The following FARS2 variants were observed in gnomAD, a reference collection of about 807,000 sequenced individuals.
FARS2 encodes the protein phenylalanine--tRNA ligase, mitochondrial.
FARS2 carries 40 observed loss-of-function variants against 46.4 expected under a neutral mutation model. The observed-to-expected ratio is 0.86, with a 90% CI of 0.67 to 1.12. The LOEUF (loss-of-function observed/expected upper bound fraction) is 1.12. Ranked by LOEUF, FARS2 falls within the 50% of genes most tolerant of loss-of-function variation. The pLI is 0.00. For synonymous variants in FARS2, 234 were observed against 214.9 expected (o/e 1.09, Z -0.78); for missense variants, 513 against 567.9 (o/e 0.90, Z 0.98).
At chr6:5,645,082 A>T (rs1235171131) in intron 6 of FARS2, among the ~76,000 whole-genome samples, 1 of 152,230 alleles carries the variant, frequency 6.6e-6, no homozygotes, top group East Asian at 1.9e-4. Context: ...GGATGAGAAT[A>T]TTCTCCCCAC....
intron 5 of FARS2, among the ~76,000 whole-genome samples, chr6:5,582,282 T>C (rs1224167235): frequency 6.6e-6 from 1 of 151,378 alleles, no homozygotes; most frequent in Non-Finnish European, 1.5e-5. Context: ...TACTTCCGGT[T>C]AATTCCTGAT....
chr6:5,608,253 C>T (rs908656674), intron 5 of FARS2, among the ~76,000 whole-genome samples: 1 of 152,058 alleles, frequency 6.6e-6, no homozygotes, highest in Non-Finnish European at 1.5e-5. Context: ...AAGTCATATG[C>T]CTGGTAGGAA....
At chr6:5,319,668 G>A (rs1035959764) in intron 1 of FARS2, among the ~76,000 whole-genome samples, 10 of 152,146 alleles carry the variant, frequency 6.6e-5, no homozygotes, top group Admixed American at 1.3e-4. Flanking sequence ...AAGTTGCCTT[G>A]GTCTCTCACT....
At chr6:5,681,548 G>T (rs1002746294) in intron 6 of FARS2, among the ~76,000 whole-genome samples, 4 of 152,144 alleles carry the variant, frequency 2.6e-5, no homozygotes, top group Non-Finnish European at 4.4e-5. Flanking sequence ...GGGGGAAAAA[G>T]TTACTTAAAA....
At chr6:5,719,419 G>A (rs1759731766) in intron 6 of FARS2, among the ~76,000 whole-genome samples, 2 of 74,890 alleles carry the variant, frequency 2.7e-5, no homozygotes, top group Non-Finnish European at 2.6e-5. Context: ...AAAGGAAGAA[G>A]AAAGAAAAAG....
chr6:5,640,800 C>T (rs1163219129), intron 6 of FARS2, among the ~76,000 whole-genome samples: 3 of 152,202 alleles, frequency 2.0e-5, no homozygotes, highest in African/African-American at 4.8e-5. Context: ...AATGAGAATT[C>T]CTGACAAACA....
intron 4 of FARS2, among the ~76,000 whole-genome samples, chr6:5,485,349 A>G (rs1222248061): frequency 6.6e-6 from 1 of 152,128 alleles, no homozygotes; most frequent in Non-Finnish European, 1.5e-5. Context: ...ACTGTACAAA[A>G]CTTAATGAGG....
chr6:5,371,527 T>C (rs1759062214), intron 2 of FARS2, among the ~76,000 whole-genome samples: 1 of 152,112 alleles, frequency 6.6e-6, no homozygotes, highest in Non-Finnish European at 1.5e-5. Flanking sequence ...TAGCTATTAA[T>C]TGTGGAAAAA....
At chr6:5,703,246 A>C (rs1282492499) in intron 6 of FARS2, among the ~76,000 whole-genome samples, 5 of 152,194 alleles carry the variant, frequency 3.3e-5, no homozygotes, top group Admixed American at 6.5e-5. Context: ...TCACCAACTT[A>C]ACAACTGGAA....
chr6:5,252,389 T>G, the FARS2 span, among the ~76,000 whole-genome samples: 1 of 152,194 alleles, frequency 6.6e-6, no homozygotes, highest in African/African-American at 2.4e-5. Context: ...ATTTCGTTAC[T>G]TACTGGGGAT....
intron 6 of FARS2, among the ~76,000 whole-genome samples, chr6:5,718,126 C>T (rs980557760): frequency 2.0e-5 from 3 of 152,086 alleles, no homozygotes; most frequent in African/African-American, 7.2e-5. Context: ...GTTGGCCAGG[C>T]TGGTCTGGAA....
chr6:5,758,200 T>C (rs1762308006), intron 6 of FARS2, among the ~76,000 whole-genome samples: 1 of 146,010 alleles, frequency 6.8e-6, no homozygotes, highest in East Asian at 2.0e-4. Context: ...ATGCAGCCAG[T>C]TTTTTTTTTT....
At chr6:5,754,050 G>C (rs918108822) in intron 6 of FARS2, among the ~76,000 whole-genome samples, 1 of 152,188 alleles carries the variant, frequency 6.6e-6, no homozygotes, top group Non-Finnish European at 1.5e-5. Context: ...TGCTCATTAA[G>C]CAAATTAACA....
intron 1 of FARS2, among the ~76,000 whole-genome samples, chr6:5,274,518 C>G (rs1246686651): frequency 6.6e-6 from 1 of 152,154 alleles, no homozygotes; most frequent in East Asian, 1.9e-4. Context: ...GCAAGTAATA[C>G]TAAAGCTTGA....
chr6:5,734,814 C>G (rs6921376), intron 6 of FARS2, among the ~76,000 whole-genome samples: 76,357 of 150,180 alleles, frequency 0.51, 20,274 homozygotes, highest in East Asian at 0.83. Context: ...TAGATAGATA[C>G]ATACATACAT....
At chr6:5,538,386 G>A (rs548612707) in intron 4 of FARS2, among the ~76,000 whole-genome samples, 4 of 152,218 alleles carry the variant, frequency 2.6e-5, no homozygotes, top group Admixed American at 6.5e-5. Context: ...GAGGAAATGC[G>A]GATAAGAAAA....
At chr6:5,278,745 A>G (rs1766510893) in intron 1 of FARS2, among the ~76,000 whole-genome samples, 2 of 152,194 alleles carry the variant, frequency 1.3e-5, no homozygotes, top group African/African-American at 4.8e-5. Context: ...ATTGGGTATG[A>G]GATGCAGCCT....
chr6:5,672,227 T>C (rs1778508837), intron 6 of FARS2, among the ~76,000 whole-genome samples: 1 of 152,254 alleles, frequency 6.6e-6, no homozygotes. Flanking sequence ...AGTGCAGAGC[T>C]AGCAGGGTAG....
chr6:5,575,276 G>C (rs1020010473), intron 5 of FARS2, among the ~76,000 whole-genome samples: 1 of 152,166 alleles, frequency 6.6e-6, no homozygotes, highest in Non-Finnish European at 1.5e-5. Flanking sequence ...CATCAGCTGG[G>C]AACATGTGTG....
Sources: gnomAD v4.1 joint callset for allele counts (sites outside exome capture counted in the v4.1 genomes callset) on GRCh38, gnomAD v4.1.1 for gene constraint, MANE v1.5 for transcripts, NCBI Gene and HGNC (gene_info 2026-07-23, HGNC 2026-07-21) for gene names.